Variants in CNTN5 observed in about 807,000 individuals in gnomAD.
CNTN5 encodes the protein contactin 5.
A neutral mutation model predicts 129.1 loss-of-function variants in CNTN5; 77 were observed. The observed-to-expected ratio is 0.60, with a 90% CI of 0.50 to 0.72. CNTN5 has a LOEUF of 0.72. Ranked by LOEUF, CNTN5 falls within the 30% of genes least tolerant of loss-of-function variation. The probability of loss-of-function intolerance (pLI) is 0.00; values close to 1 mark genes in which losing one functional copy is unlikely to be tolerated. For synonymous variants in CNTN5, 509 were observed against 465.6 expected (o/e 1.09, Z -1.20); for missense variants, 1,478 against 1,328.8 (o/e 1.11, Z -1.75).
intron 9 of CNTN5, among the ~76,000 whole-genome samples, chr11:100,030,324 G>A (rs1941643410): frequency 6.6e-6 from 1 of 152,208 alleles, no homozygotes; most frequent in South Asian, 2.1e-4. Context: ...AGGCTGCAGT[G>A]AGCTATTATT....
intron 3 of CNTN5, among the ~76,000 whole-genome samples, chr11:99,583,626 T>A (rs539078114): frequency 6.6e-6 from 1 of 152,220 alleles, no homozygotes; most frequent in East Asian, 1.9e-4. Flanking sequence ...CTCTGAGCCA[T>A]GCGCGGGATA....
intron 13 of CNTN5, among the ~76,000 whole-genome samples, chr11:100,130,116 A>C (rs941982058): frequency 6.6e-6 from 1 of 152,182 alleles, no homozygotes; most frequent in South Asian, 2.1e-4. Flanking sequence ...TACACACACC[A>C]TATTCAAATT....
chr11:100,061,824 C>T (rs544492324), intron 10 of CNTN5, among the ~76,000 whole-genome samples: 1 of 152,312 alleles, frequency 6.6e-6, no homozygotes, highest in South Asian at 2.1e-4. Flanking sequence ...TTACATATCA[C>T]CTGTCAGTTT....
chr11:99,293,365 G>T (rs1307129200), intron 1 of CNTN5, among the ~76,000 whole-genome samples: 1 of 151,960 alleles, frequency 6.6e-6, no homozygotes, highest in South Asian at 2.1e-4. Context: ...ATCTATCTTC[G>T]TCAGGGATAT....
At chr11:99,715,738 G>A (rs1165369358) in intron 3 of CNTN5, among the ~76,000 whole-genome samples, 1 of 151,802 alleles carries the variant, frequency 6.6e-6, no homozygotes, top group Non-Finnish European at 1.5e-5. Context: ...TTTATGTTAT[G>A]TTTATACACA....
chr11:99,588,267 C>A (rs1169373386), intron 3 of CNTN5, among the ~76,000 whole-genome samples: 4 of 146,926 alleles, frequency 2.7e-5, no homozygotes, highest in Admixed American at 2.1e-4. Flanking sequence ...TGGCGTGAAC[C>A]CAGGAGGCAG....
chr11:99,391,181 A>C (rs978823526), intron 2 of CNTN5, among the ~76,000 whole-genome samples: 1 of 152,134 alleles, frequency 6.6e-6, no homozygotes, highest in Non-Finnish European at 1.5e-5. Flanking sequence ...AAACCTGTAA[A>C]AAACAAGTTT....
At chr11:100,130,372 C>T (rs11821139) in intron 13 of CNTN5, among the ~76,000 whole-genome samples, 7,477 of 152,200 alleles carry the variant, frequency 0.049, 406 homozygotes, top group African/African-American at 0.13. Context: ...GTAGTCCCTG[C>T]TCTCACGTAC....
chr11:99,533,048 C>A (rs1315643923), intron 2 of CNTN5, among the ~76,000 whole-genome samples: 1 of 152,156 alleles, frequency 6.6e-6, no homozygotes, highest in Admixed American at 6.5e-5. Context: ...CATGGCAAAA[C>A]CACATCTCTA....
At chr11:100,050,843 G>A (rs1942918040) in intron 9 of CNTN5, among the ~76,000 whole-genome samples, 1 of 151,958 alleles carries the variant, frequency 6.6e-6, no homozygotes, top group African/African-American at 2.4e-5. Context: ...CTAAGATAAG[G>A]ATGAACATTT....
intron 3 of CNTN5, among the ~76,000 whole-genome samples, chr11:99,811,428 T>C (rs1468364530): frequency 2.0e-5 from 3 of 149,576 alleles, no homozygotes; most frequent in African/African-American, 4.9e-5. Flanking sequence ...GTTCTGCATA[T>C]TCTAATCCAT....
At chr11:100,333,487 A>C (rs1951956054) in intron 21 of CNTN5, among the ~76,000 whole-genome samples, 1 of 151,894 alleles carries the variant, frequency 6.6e-6, no homozygotes, top group African/African-American at 2.4e-5. Context: ...AGCAAGACTA[A>C]GCAACAAGAA....
At chr11:99,298,990 G>A (rs1050475205) in intron 1 of CNTN5, among the ~76,000 whole-genome samples, 1 of 152,104 alleles carries the variant, frequency 6.6e-6, no homozygotes, top group African/African-American at 2.4e-5. Flanking sequence ...GAATGCTCCT[G>A]ACCAAAATCA....
At position 99,681,537 on chromosome 11, in the gene CNTN5, T is replaced by G. The variant is rs946923675; in HGVS notation, c.55+125268T>G. On this transcript the variant is annotated intron_variant, in intron 3 of 24. Coordinates refer to ENST00000524871, the MANE Select transcript of CNTN5 (RefSeq NM_014361.4). ...ATGATAGCATTTTTTAACAATGAAG[T>G]ATTTTTTAATTAAGGTATTTACATT... 5.9e-5 allele frequency among the ~76,000 whole-genome samples: 9 copies of G among 152,222 alleles called. No individual in the cohort carries two copies. In the East Asian group the frequency reaches 1.7e-3, roughly 29 times the overall value.
intron 7 of CNTN5, among the ~76,000 whole-genome samples, chr11:99,926,455 G>A (rs930705885): frequency 6.6e-6 from 1 of 151,936 alleles, no homozygotes; most frequent in Non-Finnish European, 1.5e-5. Context: ...TATATAAAAT[G>A]GCAACCAAAA....
At chr11:99,139,864 T>G (rs1452120872) in intron 1 of CNTN5, among the ~76,000 whole-genome samples, 2 of 152,174 alleles carry the variant, frequency 1.3e-5, no homozygotes, top group Non-Finnish European at 2.9e-5. Flanking sequence ...TATGCATCCT[T>G]CTATTAAATA....
intron 3 of CNTN5, among the ~76,000 whole-genome samples, chr11:99,674,511 C>T (rs1186802537): frequency 1.3e-5 from 2 of 151,992 alleles, no homozygotes; most frequent in African/African-American, 2.4e-5. Flanking sequence ...GGTTGCTTGT[C>T]ACTCCCCATG....
chr11:100,293,003 G>A (rs928288371), intron 18 of CNTN5, among the ~76,000 whole-genome samples: 3 of 151,874 alleles, frequency 2.0e-5, no homozygotes, highest in African/African-American at 7.2e-5. Context: ...ATTCCCTTGA[G>A]TTCAAAAATT....
At chr11:99,703,260 G>C (rs1164374987) in intron 3 of CNTN5, among the ~76,000 whole-genome samples, 2 of 135,864 alleles carry the variant, frequency 1.5e-5, no homozygotes, top group Non-Finnish European at 1.6e-5. Context: ...TTTTATGACA[G>C]TGTGCTTGCT....
Sources: gnomAD v4.1 joint callset for allele counts (sites outside exome capture counted in the v4.1 genomes callset) on GRCh38, gnomAD v4.1.1 for gene constraint, MANE v1.5 for transcripts, NCBI Gene and HGNC (gene_info 2026-07-23, HGNC 2026-07-21) for gene names.